DNAH14: variants seen among roughly 807,000 people sequenced by gnomAD.
The protein encoded by DNAH14 is axonemal beta dynein heavy chain 14.
DNAH14 carries 478 observed loss-of-function variants against 520.9 expected under a neutral mutation model. The ratio of observed to expected loss-of-function variants is 0.92; its 90% confidence interval spans 0.85 to 0.99. The LOEUF (loss-of-function observed/expected upper bound fraction) is 0.99, where lower values mean the gene tolerates loss of function less well. Ranked by LOEUF, DNAH14 falls within the 50% of genes least tolerant of loss-of-function variation. DNAH14 has a pLI of 0.00. For synonymous variants in DNAH14, 1,581 were observed against 1,757.2 expected, an observed-to-expected ratio of 0.90 and a Z score of 2.51; for missense variants, 4,831 against 5,234.5, an observed-to-expected ratio of 0.92 and a Z score of 2.38.
chr1:225,127,512 C>G (rs2077869426), intron 27 of DNAH14, among the ~76,000 whole-genome samples: 1 of 151,478 alleles, frequency 6.6e-6, no homozygotes, highest in Non-Finnish European at 1.5e-5. Context: ...TCTGTTTTAT[C>G]AGAGACTAAG....
chr1:225,266,332 A>G (rs2093117120), intron 48 of DNAH14, among the ~76,000 whole-genome samples: 2 of 152,174 alleles, frequency 1.3e-5, no homozygotes, highest in South Asian at 4.1e-4. Flanking sequence ...ATAGCCATAA[A>G]TATATTGCTT....
intron 42 of DNAH14, among the ~76,000 whole-genome samples, chr1:225,238,268 A>G (rs905803664): frequency 1.3e-5 from 2 of 152,154 alleles, no homozygotes; most frequent in African/African-American, 2.4e-5. Flanking sequence ...TAAATCTTTG[A>G]TCTTGCTGAC....
At chr1:224,961,690 G>A (rs1391153281) in intron 4 of DNAH14, among the ~76,000 whole-genome samples, 2 of 152,066 alleles carry the variant, frequency 1.3e-5, no homozygotes, top group African/African-American at 4.8e-5. Context: ...TGACACATGG[G>A]GATTATGGGA....
At chr1:225,153,240 T>C (rs2080687542) in intron 33 of DNAH14, among the ~76,000 whole-genome samples, 1 of 152,188 alleles carries the variant, frequency 6.6e-6, no homozygotes, top group Admixed American at 6.5e-5. Context: ...GGAGGATTTA[T>C]TAAAACACAA....
chr1:225,185,225 A>G (rs1312750932), intron 36 of DNAH14, 66 bp from the exon 37 acceptor site: 3 of 1,462,056 alleles, frequency 2.1e-6, no homozygotes, highest in South Asian at 1.4e-5. Context: ...CAATGGATAT[A>G]GAGATATATT....
intron 1 of DNAH14, among the ~76,000 whole-genome samples, chr1:224,931,274 A>G (rs879881973): frequency 6.6e-6 from 1 of 152,238 alleles, no homozygotes; most frequent in Non-Finnish European, 1.5e-5. Flanking sequence ...GCTCAGTGTT[A>G]TTACAAAAGA....
At chr1:225,015,940 C>T (rs2065184510) in intron 10 of DNAH14, among the ~76,000 whole-genome samples, 1 of 152,126 alleles carries the variant, frequency 6.6e-6, no homozygotes, top group African/African-American at 2.4e-5. Flanking sequence ...TGTGCACAGA[C>T]AAGGAGAGGT....
chr1:225,240,426 A>G (rs1435360410), intron 42 of DNAH14, among the ~76,000 whole-genome samples, 167 bp from the exon 43 acceptor site: 1 of 151,942 alleles, frequency 6.6e-6, no homozygotes, highest in Non-Finnish European at 1.5e-5. Flanking sequence ...TTACATGACA[A>G]TTATCAAAGG....
chr1:225,327,651 A>G (rs2094705340), intron 64 of DNAH14, among the ~76,000 whole-genome samples: 1 of 152,274 alleles, frequency 6.6e-6, no homozygotes, highest in South Asian at 2.1e-4. Flanking sequence ...CTAACTTCAC[A>G]CCTGAAGGAA....
At chr1:224,987,012 CA>C (rs2062689636) in intron 8 of DNAH14, among the ~76,000 whole-genome samples, 1 of 152,048 alleles carries the variant, frequency 6.6e-6, no homozygotes. Context: ...ATACAAAAAT[CA>C]GTAGTATTTC....
At chr1:224,976,750 C>T (rs1276885954) in intron 8 of DNAH14, among the ~76,000 whole-genome samples, 1 of 151,280 alleles carries the variant, frequency 6.6e-6, no homozygotes, top group Non-Finnish European at 1.5e-5. Context: ...CTCACCATCA[C>T]TGGCCATCAG....
chr1:224,964,831 C>T (rs2061061365), intron 5 of DNAH14, among the ~76,000 whole-genome samples: 1 of 152,084 alleles, frequency 6.6e-6, no homozygotes, highest in Non-Finnish European at 1.5e-5. Flanking sequence ...TATAACACAT[C>T]AAAATGTTTA....
chr1:224,973,436 G>A (rs1343685094), intron 7 of DNAH14, among the ~76,000 whole-genome samples: 1 of 152,194 alleles, frequency 6.6e-6, no homozygotes, highest in African/African-American at 2.4e-5. Flanking sequence ...GGGAGTGATT[G>A]TGATATTGCA....
At chr1:225,290,498 A>G (rs1352366577) in intron 55 of DNAH14, among the ~76,000 whole-genome samples, 1 of 151,356 alleles carries the variant, frequency 6.6e-6, no homozygotes, top group Non-Finnish European at 1.5e-5. Context: ...CTCTTACAGC[A>G]TCCAGGCTTC....
At chr1:224,974,329 G>C (rs1558564776) in intron 8 of DNAH14, among the ~76,000 whole-genome samples, 176 bp downstream of exon 8, 1 of 152,002 alleles carries the variant, frequency 6.6e-6, no homozygotes, top group African/African-American at 2.4e-5. Flanking sequence ...ACTGTGTTTT[G>C]CAGTGTACCA....
At chr1:224,993,792 A>C (rs1046518715) in intron 8 of DNAH14, among the ~76,000 whole-genome samples, 1 of 151,736 alleles carries the variant, frequency 6.6e-6, no homozygotes, top group Admixed American at 6.6e-5. Context: ...TGAGATCTTT[A>C]TACTTTTTTG....
rs1162678183 is a variant in DNAH14, at chr1:225,082,190, G to GTGTGTGTGTGTGTGTT, written c.3137-351_3137-350insTGTGTGTTTGTGTGTG. Among the ~76,000 whole-genome samples the GTGTGTGTGTGTGTGTT allele has an allele frequency of 6.4e-3, 968 of 151,906 alleles. 3 individuals carry two copies. The highest frequency in any genetic ancestry group is 0.01 in the Middle Eastern group (3 of 294). On this transcript the variant is annotated intron_variant, in intron 19 of 85. Transcript: ENST00000682510. The stretch of plus-strand genomic sequence containing the variant: ...GTTTGTGGTGTGTGTGTGTGTGTGT[G>GTGTGTGTGTGTGTGTT]TGTGTGTGCACATGCGCATGTACCC...
intron 10 of DNAH14, among the ~76,000 whole-genome samples, chr1:225,022,905 C>T (rs2065821793): frequency 6.6e-6 from 1 of 152,112 alleles, no homozygotes; most frequent in Non-Finnish European, 1.5e-5. Context: ...TGGAATACCA[C>T]CCAGCCATGA....
At chr1:225,344,333 T>C (rs1193368523) in intron 69 of DNAH14, among the ~76,000 whole-genome samples, 1 of 152,116 alleles carries the variant, frequency 6.6e-6, no homozygotes, top group Admixed American at 6.6e-5. Context: ...ACTCAGGTAT[T>C]AAGCCCAGTA....
Sources: allele counts gnomAD v4.1 joint callset (sites outside exome capture counted in the v4.1 genomes callset), GRCh38; gene constraint gnomAD v4.1.1; transcripts MANE v1.5; gene names NCBI Gene and HGNC (gene_info 2026-07-23, HGNC 2026-07-21).